The following ASMT variants were observed in gnomAD, a reference collection of about 807,000 sequenced individuals.
ASMT encodes the protein acetylserotonin N-methyltransferase.
ASMT carries 53 observed loss-of-function variants against 41.3 expected under a neutral mutation model. That is an observed-to-expected ratio of 1.28 (90% CI 1.03 to 1.61). ASMT has a LOEUF of 1.61. Ranked by LOEUF, ASMT falls within the 40% of genes most tolerant of loss-of-function variation. The pLI is 0.00. For missense variants in ASMT, 531 were observed against 441.3 expected, an observed-to-expected ratio of 1.20 and a Z score of -1.82; for synonymous variants, 231 against 184.8, an observed-to-expected ratio of 1.25 and a Z score of -2.03.
chrX:1,636,899 TGTGG>T (rs1569384116), intron 8 of ASMT, among the ~76,000 whole-genome samples: 4 of 141,456 alleles, frequency 2.8e-5, no homozygotes, highest in Admixed American at 2.8e-4. Flanking sequence ...TTCATGAGGA[TGTGG>T]GCACAGCCTC....
chrX:1,636,178 T>C (rs1198530382), intron 7 of ASMT: 157 of 509,186 alleles, frequency 3.1e-4, no homozygotes, highest in Middle Eastern at 5.7e-4. Flanking sequence ...AGGATGGTCT[T>C]GATCTCCTGA....
intron 1 of ASMT, 31 bp downstream of exon 1, chrX:1,615,299 T>A: frequency 6.4e-7 from 1 of 1,554,606 alleles, no homozygotes; most frequent in South Asian, 1.2e-5. Flanking sequence ...CAAGGGGGAA[T>A]AGACTTCCGT....
Position 1,641,951 on chromosome X carries a change from G to C in ASMT, c.911-852G>C, listed in dbSNP as rs184871543. Reference sequence around the variant, plus strand: ...AACCTCTTTGTGTGTGATGGGGACAGTGTCCCAGTGTCTGTGAGGTCCACC... The same window carrying C: ...AACCTCTTTGTGTGTGATGGGGACACTGTCCCAGTGTCTGTGAGGTCCACC... On this transcript the variant is annotated intron_variant, in intron 8 of 8. Coordinates refer to ENST00000381241, the MANE Select transcript of ASMT (RefSeq NM_001171038.2). Among the ~76,000 whole-genome samples the C allele has an allele frequency of 2.1e-4, 31 of 146,970 alleles. 1 individual carries two copies. The highest frequency in any genetic ancestry group is 2.8e-4 in the Non-Finnish European group (19 of 66,794).
chrX:1,636,650 C>A, intron 8 of ASMT, 90 bp downstream of exon 8: 1 of 1,600,834 alleles, frequency 6.2e-7, no homozygotes, highest in Non-Finnish European at 8.6e-7. Context: ...CTGAAATCAT[C>A]CCACAGGTAA....
At chrX:1,632,200 C>A (rs1934801702) in intron 5 of ASMT, among the ~76,000 whole-genome samples, 1 of 152,142 alleles carries the variant, frequency 6.6e-6, no homozygotes, top group South Asian at 2.1e-4. Context: ...CTGTTGGCCG[C>A]CCTTGGCTGG....
At chrX:1,630,597 C>A (rs1282069672) in intron 5 of ASMT, among the ~76,000 whole-genome samples, 20 of 152,000 alleles carry the variant, frequency 1.3e-4, no homozygotes. Flanking sequence ...CTGTTTGTCA[C>A]CCAGGCTCGA....
At chrX:1,627,242 C>A (rs1209027392) in intron 3 of ASMT, among the ~76,000 whole-genome samples, 1 of 151,252 alleles carries the variant, frequency 6.6e-6, no homozygotes, top group African/African-American at 2.4e-5. Flanking sequence ...AGGAAAATCG[C>A]TTGAACCCGG....
At chrX:1,620,535 A>G (rs1489967172) in intron 1 of ASMT, among the ~76,000 whole-genome samples, 2 of 152,138 alleles carry the variant, frequency 1.3e-5, no homozygotes, top group East Asian at 3.9e-4. Context: ...AGACTTACTG[A>G]AACAAACAGT....
At chrX:1,628,407 C>T (rs1334860663) in intron 4 of ASMT, among the ~76,000 whole-genome samples, 2 of 152,204 alleles carry the variant, frequency 1.3e-5, no homozygotes, top group African/African-American at 4.8e-5. Context: ...CAGCTCTTCA[C>T]TTTGCTTTGC....
At chrX:1,636,193 G>T in intron 7 of ASMT, 1 of 556,070 alleles carries the variant, frequency 1.8e-6, no homozygotes, top group South Asian at 1.8e-5. Flanking sequence ...TCCTGACCTC[G>T]TGATCTGCCC....
chrX:1,625,197 C>T (rs1396266654), intron 3 of ASMT, among the ~76,000 whole-genome samples: 6 of 151,438 alleles, frequency 4.0e-5, no homozygotes, highest in South Asian at 2.1e-4. Context: ...CTATGCCTCC[C>T]GGGTTCACGC....
At chrX:1,623,869 G>A (rs1360178471) in intron 2 of ASMT, among the ~76,000 whole-genome samples, 1 of 151,998 alleles carries the variant, frequency 6.6e-6, no homozygotes, top group Non-Finnish European at 1.5e-5. Context: ...GGCCGGTCTC[G>A]AGCTCCTGAC....
intron 4 of ASMT, among the ~76,000 whole-genome samples, chrX:1,628,231 G>A (rs1364133663): frequency 6.6e-6 from 1 of 152,178 alleles, no homozygotes; most frequent in South Asian, 2.1e-4. Context: ...TGAGGCAGGA[G>A]AACTGCTTGA....
At chrX:1,619,579 A>AATT (rs1934264569) in intron 1 of ASMT, among the ~76,000 whole-genome samples, 1 of 145,456 alleles carries the variant, frequency 6.9e-6, no homozygotes, top group South Asian at 2.1e-4. Flanking sequence ...TAATAATAAT[A>AATT]ATAATAATAA....
In ASMT at chrX:1,634,134, A is replaced by G. The variant is rs745366348; in HGVS notation, c.787+844A>G. 9.8e-5 allele frequency among the ~76,000 whole-genome samples: 15 copies of G among 152,288 alleles called. No individual in the cohort carries two copies. The South Asian group carries it at 2.1e-3, about 21-fold the overall frequency. The stretch of plus-strand genomic sequence containing the variant: ...GTCTCCACGACTACCTTCAGGTTCA[A>G]TAATTCACTAGAAGGACACACCGAG... On this transcript the variant is annotated intron_variant, in intron 7 of 8. Transcript: ENST00000381241.
intron 3 of ASMT, among the ~76,000 whole-genome samples, chrX:1,626,720 C>T (rs1934561175): frequency 6.6e-6 from 1 of 151,466 alleles, no homozygotes; most frequent in Admixed American, 6.6e-5. Context: ...ATTAAGTCCT[C>T]AGGTTTAAAC....
At chrX:1,634,283 T>C (rs1603461649) in intron 7 of ASMT, among the ~76,000 whole-genome samples, 2 of 152,308 alleles carry the variant, frequency 1.3e-5, no homozygotes. Context: ...CTTCTTGTTG[T>C]CTTCTCCCAG....
chrX:1,619,535 C>T lies in ASMT; in HGVS notation c.70-3604C>T, dbSNP rs778697234. ...AAACCTGCACGTTCTGCACATGTACCCCAGAACTTAAAGTATAATAATAAT... is the reference window on the plus strand; with the variant it reads ...AAACCTGCACGTTCTGCACATGTACTCCAGAACTTAAAGTATAATAATAAT... On this transcript the variant is annotated intron_variant, in intron 1 of 8. Coordinates refer to ENST00000381241, the MANE Select transcript of ASMT (RefSeq NM_001171038.2). Among the ~76,000 whole-genome samples the T allele has an allele frequency of 4.9e-3, 680 of 140,100 alleles. 3 individuals carry two copies. The highest frequency in any genetic ancestry group is 7.6e-3 in the Non-Finnish European group (505 of 66,546). The allele number at this position is 140,100 out of a possible 152,430, so 91.9% of individuals were successfully genotyped here.
Position 1,627,684 on chromosome X carries a change from C to G in ASMT, c.375-19C>G, listed in dbSNP as rs1487287104. On this transcript the variant is annotated intron_variant, in intron 3 of 8. Coordinates refer to ENST00000381241, the MANE Select transcript of ASMT (RefSeq NM_001171038.2). ...GAAATGAAATGAAATGAAAATCAGC[C>G]TTCTCTCTCTTTTCTTAGAGAAGGA... The G allele has an allele frequency of 1.6e-5, 25 of 1,573,506 alleles. No homozygotes were observed. The highest frequency in any genetic ancestry group is 1.7e-4 in the Middle Eastern group (1 of 5,940).
Sources: gnomAD v4.1 joint callset for allele counts (sites outside exome capture counted in the v4.1 genomes callset) on GRCh38, gnomAD v4.1.1 for gene constraint, MANE v1.5 for transcripts, NCBI Gene and HGNC (gene_info 2026-07-23, HGNC 2026-07-21) for gene names.